ANK3: variants seen among roughly 807,000 people sequenced by gnomAD.
The protein encoded by ANK3 is ankyrin-3.
Under a neutral mutation model 370.9 loss-of-function variants are expected in ANK3, and 57 were observed. The observed-to-expected ratio is 0.15, with a 90% CI of 0.12 to 0.19. The LOEUF (loss-of-function observed/expected upper bound fraction) is 0.19, where lower values mean the gene tolerates loss of function less well. Ranked by LOEUF, ANK3 falls within the 10% of genes least tolerant of loss-of-function variation. ANK3 has a pLI of 1.00. For synonymous variants in ANK3, 1,929 were observed against 1,946.3 expected (o/e 0.99, Z 0.23); for missense variants, 4,439 against 5,302.1 (o/e 0.84, Z 5.06).
chr10:60,228,428 G>A (rs1037816806), intron 8 of ANK3, among the ~76,000 whole-genome samples: 25 of 151,562 alleles, frequency 1.6e-4, no homozygotes, highest in African/African-American at 6.0e-4. Flanking sequence ...CAGCTACTCA[G>A]GAGACAGGTA....
At chr10:60,162,976 T>C (rs1174241226) in intron 23 of ANK3, among the ~76,000 whole-genome samples, 2 of 152,190 alleles carry the variant, frequency 1.3e-5, no homozygotes, top group African/African-American at 4.8e-5. Context: ...ATACATTTTA[T>C]AGGCAGTTGC....
At chr10:60,559,234 C>A (rs541432056) in intron 2 of ANK3, among the ~76,000 whole-genome samples, 1 of 152,042 alleles carries the variant, frequency 6.6e-6, no homozygotes, top group Non-Finnish European at 1.5e-5. Flanking sequence ...TACACTGTAC[C>A]CATTGTATAG....
rs1038180928 is a variant in ANK3, at chr10:60,355,339, A to C, written c.114+34086T>G. ...CTTTACTTCCTTCTCAAAGACCTAA[A>C]AGGGAGGAAAATCAGTGATCATTTT... On this transcript the variant is annotated intron_variant, in intron 1 of 43. Coordinates refer to ENST00000280772, the MANE Select transcript of ANK3 (RefSeq NM_020987.5). Among the ~76,000 whole-genome samples, 36 of 152,290 alleles carry C rather than the reference A, an allele frequency of 2.4e-4. 1 individual carries two copies. Among genetic ancestry groups the C allele is most frequent in the African/African-American group, 8.7e-4 (36 of 41,574 alleles).
intron 2 of ANK3, among the ~76,000 whole-genome samples, chr10:60,432,275 C>T (rs1158003895): frequency 6.6e-6 from 1 of 152,092 alleles, no homozygotes; most frequent in African/African-American, 2.4e-5. Flanking sequence ...TTCTTTTCTT[C>T]CTTTTGTTTG....
intron 2 of ANK3, among the ~76,000 whole-genome samples, chr10:60,583,591 C>T (rs1252302613): frequency 7.1e-6 from 1 of 141,138 alleles, no homozygotes; most frequent in Non-Finnish European, 1.5e-5. Flanking sequence ...CCAGTTCTGT[C>T]ACTCAGGCTG....
At chr10:60,482,318 C>G (rs949288996) in intron 2 of ANK3, among the ~76,000 whole-genome samples, 4 of 152,154 alleles carry the variant, frequency 2.6e-5, no homozygotes, top group African/African-American at 9.7e-5. Context: ...AAGTAAATTG[C>G]CTGAGAGCAA....
chr10:60,635,580 T>C, intron 1 of ANK3, among the ~76,000 whole-genome samples: 1 of 152,098 alleles, frequency 6.6e-6, no homozygotes, highest in East Asian at 1.9e-4. Context: ...ATGACCTCTA[T>C]ACTAGTAAAA....
rs2072570453 is a variant in ANK3 at position 60,028,458 on chromosome 10, G to GTGTA, written c.*1384_*1387dup. The GTGTA allele has an allele frequency of 2.0e-5, 3 of 152,626 alleles. No individual in the cohort carries two copies. Among genetic ancestry groups the GTGTA allele is most frequent in the Non-Finnish European group, 4.4e-5 (3 of 68,034 alleles). The allele number at this position is 152,626 out of a possible 1,614,324, so 9.5% of individuals were successfully genotyped here. A position where few individuals can be genotyped will look rare whatever the true frequency, so the allele number is the denominator to read the frequency against. ...CTTAAATAATCGACTAGGTCATCCA[G>GTGTA]TGTATGGTTTTTCATACATATGTCA... On this transcript the variant is annotated 3_prime_UTR_variant, in exon 44 of 44. Transcript: ENST00000280772.
intron 2 of ANK3, among the ~76,000 whole-genome samples, chr10:60,468,535 G>T (rs779252223): frequency 6.6e-6 from 1 of 151,844 alleles, no homozygotes; most frequent in Non-Finnish European, 1.5e-5. Flanking sequence ...TTACATACTG[G>T]ACTCTCTCTC....
intron 2 of ANK3, among the ~76,000 whole-genome samples, chr10:60,501,007 G>C (rs1595155303): frequency 6.6e-6 from 1 of 152,056 alleles, no homozygotes; most frequent in East Asian, 1.9e-4. Context: ...AGTCCTTATA[G>C]TCCCAAGTTA....
intron 43 of ANK3, among the ~76,000 whole-genome samples, chr10:60,040,290 CTT>C (rs926634479): frequency 6.3e-5 from 9 of 142,042 alleles, no homozygotes; most frequent in Admixed American, 7.0e-5. Flanking sequence ...GCTTAGTTTT[CTT>C]TTTTTTTTTT....
intron 2 of ANK3, among the ~76,000 whole-genome samples, chr10:60,485,417 G>A (rs760222677): frequency 9.2e-5 from 14 of 152,318 alleles, no homozygotes; most frequent in African/African-American, 2.6e-4. Flanking sequence ...AGGGAATCTC[G>A]GAGATATGTT....
In ANK3 at chr10:60,625,520, T is replaced by C. The variant is rs371499067; in HGVS notation, c.58-10296A>G. On this transcript the variant is annotated intron_variant, in intron 1 of 43. Coordinates refer to the ANK3 transcript ENST00000373827. ...CAAAGAGCTTGACAACATTCTATTA[T>C]GTGGCTACAGATTATCAAAATCAGT... Among the ~76,000 whole-genome samples, 14 of 152,346 alleles carry C rather than the reference T, an allele frequency of 9.2e-5. No homozygotes were observed. In the East Asian group the frequency reaches 2.1e-3, roughly 23 times the overall value.
At chr10:60,098,249 CAG>C (rs1202133517) in intron 28 of ANK3, among the ~76,000 whole-genome samples, 3 of 152,030 alleles carry the variant, frequency 2.0e-5, no homozygotes, top group Admixed American at 1.3e-4. Context: ...TGAGGGCAGC[CAG>C]AGAGTCAATC....
intron 1 of ANK3, among the ~76,000 whole-genome samples, chr10:60,706,071 G>A (rs1043934250): frequency 3.3e-5 from 5 of 152,088 alleles, no homozygotes; most frequent in Admixed American, 3.3e-4. Flanking sequence ...CAATCAGCTC[G>A]CCTTGGTGTC....
intron 9 of ANK3, among the ~76,000 whole-genome samples, chr10:60,210,816 G>A (rs1021880783): frequency 1.3e-5 from 2 of 152,122 alleles, no homozygotes; most frequent in African/African-American, 4.8e-5. Context: ...GAAGAGAGAG[G>A]CTGAAACCTA....
chr10:60,369,694 G>T (rs887691926), intron 1 of ANK3, among the ~76,000 whole-genome samples: 1 of 152,282 alleles, frequency 6.6e-6, no homozygotes, highest in African/African-American at 2.4e-5. Context: ...TATTTGAGCA[G>T]TAGATACCTG....
At chr10:60,595,420 T>C (rs1271325295) in intron 2 of ANK3, among the ~76,000 whole-genome samples, 2 of 152,128 alleles carry the variant, frequency 1.3e-5, no homozygotes, top group Non-Finnish European at 2.9e-5. Context: ...GCTGTCTTCT[T>C]GCACTGAGTC....
At chr10:60,494,421 T>A (rs2075601177) in intron 2 of ANK3, among the ~76,000 whole-genome samples, 1 of 152,174 alleles carries the variant, frequency 6.6e-6, no homozygotes, top group Non-Finnish European at 1.5e-5. Flanking sequence ...AAACATTATT[T>A]ATGCTGATAT....
Sources: gnomAD v4.1 joint callset for allele counts (sites outside exome capture counted in the v4.1 genomes callset) on GRCh38, gnomAD v4.1.1 for gene constraint, MANE v1.5 for transcripts, NCBI Gene and HGNC (gene_info 2026-07-23, HGNC 2026-07-21) for gene names.